The following TMTC1 variants were observed in gnomAD, a reference collection of about 807,000 sequenced individuals.
TMTC1 encodes protein O-mannosyl-transferase TMTC1.
Under a neutral mutation model 104.8 loss-of-function variants are expected in TMTC1, and 73 were observed. The ratio of observed to expected loss-of-function variants is 0.70; its 90% CI spans 0.58 to 0.85. The LOEUF is 0.85. Ranked by LOEUF, TMTC1 falls within the 40% of genes least tolerant of loss-of-function variation. The pLI, the probability that TMTC1 is intolerant of heterozygous loss-of-function variation, is 0.00. For missense variants in TMTC1, 1,035 were observed against 1,096.1 expected, an observed-to-expected ratio of 0.94 and a Z score of 0.79; for synonymous variants, 434 against 428.7, an observed-to-expected ratio of 1.01 and a Z score of -0.15.
At chr12:29,755,661 C>T in intron 4 of TMTC1, 48 bp downstream of exon 4, 2 of 1,519,084 alleles carry the variant, frequency 1.3e-6, no homozygotes, top group Non-Finnish European at 8.9e-7. Flanking sequence ...AGTAATTTTT[C>T]TCTGCCCATG....
chr12:29,531,487 T>C lies in TMTC1; in HGVS notation c.1785+4722A>G, dbSNP rs563980110. On this transcript the variant is annotated intron_variant, in intron 11 of 17. Transcript: ENST00000539277. ...CAATAGGCTATCAACGTGGGGCTAG[T>C]AATAATTTACAGTGGCCAGAGTCAT... Among the ~76,000 whole-genome samples the C allele has an allele frequency of 2.0e-5, 3 of 152,362 alleles. No individual in the cohort carries two copies. The South Asian group carries it at 6.2e-4, about 32-fold the overall frequency.
At chr12:29,608,241 G>A (rs983654216) in intron 6 of TMTC1, among the ~76,000 whole-genome samples, 3 of 152,152 alleles carry the variant, frequency 2.0e-5, no homozygotes, top group African/African-American at 7.2e-5. Flanking sequence ...GAGGGAACCC[G>A]ATTCTGTATC....
In TMTC1 at chr12:29,745,195, A is replaced by C. The variant is rs1382175993; in HGVS notation, c.938+6471T>G. Among the ~76,000 whole-genome samples, 4 of 152,152 alleles carry C rather than the reference A, an allele frequency of 2.6e-5. No homozygotes were observed. In the East Asian group the frequency reaches 7.7e-4, roughly 29 times the overall value. On this transcript the variant is annotated intron_variant, in intron 5 of 17. Coordinates refer to ENST00000539277, the MANE Select transcript of TMTC1 (RefSeq NM_001193451.2). ...TTTTCAATAAACTGTTTCCTTCTCT[A>C]TAGGAGGTCATTTGCCTGCAGTAAT...
chr12:29,672,060 A>G (rs901027215), intron 5 of TMTC1, among the ~76,000 whole-genome samples: 13 of 152,166 alleles, frequency 8.5e-5, no homozygotes, highest in African/African-American at 3.1e-4. Context: ...AATTTGAATA[A>G]AAGAATGGTG....
intron 7 of TMTC1, among the ~76,000 whole-genome samples, chr12:29,600,008 A>ATATATATTTTT (rs59108744): frequency 2.5e-5 from 3 of 118,686 alleles, no homozygotes; most frequent in Non-Finnish European, 3.3e-5. Context: ...ATATATATAT[A>ATATATATTTTT]TTTTTTTTTT....
intron 5 of TMTC1, among the ~76,000 whole-genome samples, chr12:29,651,416 T>C (rs1939512241): frequency 6.6e-6 from 1 of 152,200 alleles, no homozygotes; most frequent in South Asian, 2.1e-4. Context: ...ATGCTGAAAC[T>C]GAGTGATAGG....
In TMTC1 at chr12:29,767,815, T is replaced by C. The variant is rs563383314; in HGVS notation, c.480+83A>G. 8.7e-6 allele frequency: 11 copies of C among 1,261,460 alleles called. No homozygotes were observed. The Admixed American group carries it at 1.6e-4, about 18-fold the overall frequency. The allele number at this position is 1,261,460 out of a possible 1,614,324, so 78.1% of individuals were successfully genotyped here. A position where few individuals can be genotyped will look rare whatever the true frequency, so the allele number is the denominator to read the frequency against. Reference sequence around the variant, plus strand: ...ACATATACACACATATTTACATGTATATATATGTGTGTGTATACACGTATA... The same window carrying C: ...ACATATACACACATATTTACATGTACATATATGTGTGTGTATACACGTATA... On this transcript the variant is annotated intron_variant, in intron 2 of 17. Transcript: ENST00000539277.
At chr12:29,578,895 C>T (rs1945898709) in intron 8 of TMTC1, among the ~76,000 whole-genome samples, 1 of 152,186 alleles carries the variant, frequency 6.6e-6, no homozygotes, top group Non-Finnish European at 1.5e-5. Flanking sequence ...TATAATGCCA[C>T]ACACAGGATG....
intron 5 of TMTC1, among the ~76,000 whole-genome samples, chr12:29,671,589 T>C (rs186409365): frequency 4.6e-5 from 7 of 152,342 alleles, no homozygotes; most frequent in African/African-American, 1.4e-4. Flanking sequence ...ACAAAGCAGG[T>C]GCTATTGCTA....
intron 1 of TMTC1, among the ~76,000 whole-genome samples, chr12:29,777,877 G>A (rs1217256328): frequency 6.6e-6 from 1 of 152,168 alleles, no homozygotes; most frequent in Non-Finnish European, 1.5e-5. Context: ...AACAGGCTGT[G>A]TCAAAATGAA....
chr12:29,571,993 TTA>T, intron 9 of TMTC1, 110 bp downstream of exon 9: 1 of 802,968 alleles, frequency 1.2e-6, no homozygotes, highest in Non-Finnish European at 2.0e-6. Flanking sequence ...AAGGATCAGT[TTA>T]CTGTCAAGAG....
chr12:29,592,615 A>G (rs985411991), intron 7 of TMTC1, among the ~76,000 whole-genome samples: 79 of 152,112 alleles, frequency 5.2e-4, no homozygotes, highest in African/African-American at 1.8e-3. Flanking sequence ...AATTTATGAA[A>G]CATTTAGTAT....
chr12:29,514,124 G>A (rs1310145493), intron 16 of TMTC1, among the ~76,000 whole-genome samples: 6 of 152,104 alleles, frequency 3.9e-5, no homozygotes, highest in Non-Finnish European at 7.4e-5. Flanking sequence ...GGCATTTCAA[G>A]GACATGTGGG....
chr12:29,670,432 T>C (rs1940461111), intron 5 of TMTC1, among the ~76,000 whole-genome samples: 1 of 152,188 alleles, frequency 6.6e-6, no homozygotes, highest in Non-Finnish European at 1.5e-5. Context: ...GAGGCATTAA[T>C]GGTCAAATAA....
intron 7 of TMTC1, among the ~76,000 whole-genome samples, chr12:29,584,759 G>T (rs1160545065): frequency 6.6e-6 from 1 of 151,758 alleles, no homozygotes; most frequent in Non-Finnish European, 1.5e-5. Flanking sequence ...TCCCTACAAA[G>T]GACATGAACT....
At chr12:29,707,438 C>T (rs922414913) in intron 5 of TMTC1, among the ~76,000 whole-genome samples, 1 of 152,170 alleles carries the variant, frequency 6.6e-6, no homozygotes, top group Non-Finnish European at 1.5e-5. Context: ...AGCATCTCCC[C>T]CGCCTCTGCT....
chr12:29,664,336 G>T (rs1278564174), intron 5 of TMTC1, among the ~76,000 whole-genome samples: 1 of 152,104 alleles, frequency 6.6e-6, no homozygotes, highest in Non-Finnish European at 1.5e-5. Context: ...TCTATTTCTA[G>T]TTGTTGACCA....
At chr12:29,678,196 A>G (rs550997865) in intron 5 of TMTC1, among the ~76,000 whole-genome samples, 1 of 152,360 alleles carries the variant, frequency 6.6e-6, no homozygotes, top group African/African-American at 2.4e-5. Context: ...CTAATATTTC[A>G]AACTCACAAT....
rs956398393 is a variant in TMTC1, at chr12:29,645,491, T to C, written c.939-12155A>G. On this transcript the variant is annotated intron_variant, in intron 5 of 17. Transcript: ENST00000539277. ...GTCATTGTCTTTCTGACCTTTTACA[T>C]GTGCCATTAATATAGTAATCTTATT... Among the ~76,000 whole-genome samples, 10 of 152,206 alleles carry C rather than the reference T, an allele frequency of 6.6e-5. 1 individual carries two copies. Among genetic ancestry groups the C allele is most frequent in the Admixed American group, 4.6e-4 (7 of 15,280 alleles).
Sources: allele counts gnomAD v4.1 joint callset (sites outside exome capture counted in the v4.1 genomes callset), GRCh38; gene constraint gnomAD v4.1.1; transcripts MANE v1.5; gene names NCBI Gene and HGNC (gene_info 2026-07-23, HGNC 2026-07-21).